PHF21B: variants seen among roughly 807,000 people sequenced by gnomAD.
The protein encoded by PHF21B is PHD finger protein 21B.
In PHF21B, 22 loss-of-function variants were observed where a neutral mutation model predicts 62.2. That is an observed-to-expected ratio of 0.35 (90% CI 0.25 to 0.51). The LOEUF is 0.51. PHF21B is among the 20% of genes least tolerant of loss of function. The pLI is 0.97. For synonymous variants in PHF21B, 341 were observed against 314.7 expected (o/e 1.08, Z -0.88); for missense variants, 701 against 707.9 (o/e 0.99, Z 0.11).
At chr22:44,962,904 C>T (rs1354668955) in intron 2 of PHF21B, among the ~76,000 whole-genome samples, 8 of 152,168 alleles carry the variant, frequency 5.3e-5, no homozygotes, top group Admixed American at 2.6e-4. Flanking sequence ...AATAGAGCCA[C>T]GCAGTACAGT....
intron 2 of PHF21B, among the ~76,000 whole-genome samples, chr22:44,929,980 TGTCACTAGG>T (rs2071708725): frequency 6.6e-6 from 1 of 152,202 alleles, no homozygotes; most frequent in East Asian, 1.9e-4. Context: ...ATCCACCCAC[TGTCACTAGG>T]AGGGAAAAGA....
rs537374236 is a variant in PHF21B at position 44,888,685 on chromosome 22, A to G, written c.1039-564T>C. 5.3e-5 allele frequency among the ~76,000 whole-genome samples: 8 copies of G among 152,308 alleles called. No individual in the cohort carries two copies. In the South Asian group the frequency reaches 8.3e-4, roughly 16 times the overall value. The stretch of plus-strand genomic sequence containing the variant: ...ACTTCAGAGTTGGAAAAGACCAGAG[A>G]GCTCTCCTCTGGGATGGCCCGTGCC... On this transcript the variant is annotated intron_variant, in intron 9 of 12. Transcript: ENST00000313237.
intron 2 of PHF21B, among the ~76,000 whole-genome samples, chr22:44,929,939 C>A (rs571491446): frequency 6.6e-6 from 1 of 152,124 alleles, no homozygotes; most frequent in African/African-American, 2.4e-5. Context: ...CAGGAAGGAC[C>A]CCTGCAGCAC....
chr22:44,979,150 T>C (rs2072791625), intron 2 of PHF21B, among the ~76,000 whole-genome samples: 1 of 152,256 alleles, frequency 6.6e-6, no homozygotes, highest in Admixed American at 6.5e-5. Flanking sequence ...CATTCTCTCC[T>C]GCACCCACAG....
intron 2 of PHF21B, among the ~76,000 whole-genome samples, chr22:44,987,419 G>C (rs1207598776): frequency 6.6e-6 from 1 of 152,154 alleles, no homozygotes; most frequent in Non-Finnish European, 1.5e-5. Flanking sequence ...TAACAGCCAC[G>C]GTTCTGCTTC....
At chr22:44,967,717 C>T (rs1021460370) in intron 2 of PHF21B, among the ~76,000 whole-genome samples, 4 of 152,196 alleles carry the variant, frequency 2.6e-5, no homozygotes, top group Non-Finnish European at 4.4e-5. Context: ...GAAGTCCACA[C>T]TGTGTTCAGG....
At position 44,990,065 on chromosome 22, in the gene PHF21B, C is replaced by T. The variant is rs773284913; in HGVS notation, c.120+18480G>A. On this transcript the variant is annotated intron_variant, in intron 2 of 12. Transcript: ENST00000313237. ...CGCTGCCTCCACTTCCACCCATGCC[C>T]GTGTCCCCTGGGCAGAGGCCTACTA... Among the ~76,000 whole-genome samples the T allele has an allele frequency of 3.3e-4, 50 of 152,218 alleles. 1 individual carries two copies. Among genetic ancestry groups the T allele is most frequent in the Non-Finnish European group, 5.9e-4 (40 of 68,042 alleles).
chr22:44,888,093 G>A lies in PHF21B; in HGVS notation c.1067C>T (p.Ala356Val). 1 of 1,544,158 alleles carries A rather than the reference G, an allele frequency of 6.5e-7. No individual in the cohort carries two copies. The highest frequency in any genetic ancestry group is 8.7e-7 in the Non-Finnish European group (1 of 1,144,462). ...CAGGTTGGCCCCTCGCTTGCAGGCG[G>A]CACAGTGCTCATCGTGGGTGATCTC... ...KNEITHDEHC[A>V]ACKRGANLQP... Residue 356 changes from alanine (A) to valine (V), a missense_variant, in exon 10 of 13, where the codon GCC becomes GTC. Coordinates refer to ENST00000313237, the MANE Select transcript of PHF21B (RefSeq NM_138415.5).
chr22:45,001,916 G>A (rs2073227098), intron 2 of PHF21B: 1 of 152,268 alleles, frequency 6.6e-6, no homozygotes, highest in South Asian at 2.1e-4. Context: ...GCAGGAAGAA[G>A]TGAGACCCGC....
intron 4 of PHF21B, among the ~76,000 whole-genome samples, chr22:44,914,916 G>T (rs1012502527): frequency 6.6e-6 from 1 of 152,208 alleles, no homozygotes; most frequent in African/African-American, 2.4e-5. Context: ...AGGAAATTGG[G>T]AAAGAATTAT....
At chr22:44,990,074 T>C (rs553148154) in intron 2 of PHF21B, among the ~76,000 whole-genome samples, 1 of 152,330 alleles carries the variant, frequency 6.6e-6, no homozygotes, top group Non-Finnish European at 1.5e-5. Context: ...CCGTGTCCCC[T>C]GGGCAGAGGC....
chr22:44,967,676 G>A (rs2072555249), intron 2 of PHF21B, among the ~76,000 whole-genome samples: 1 of 152,178 alleles, frequency 6.6e-6, no homozygotes, highest in African/African-American at 2.4e-5. Flanking sequence ...CTCCACTAGG[G>A]AACCAATGTC....
chr22:44,978,869 G>T (rs1393832032), intron 2 of PHF21B, among the ~76,000 whole-genome samples: 2 of 152,226 alleles, frequency 1.3e-5, no homozygotes, highest in Admixed American at 6.5e-5. Context: ...GAACCAGGTG[G>T]CCACTGCTGT....
chr22:44,984,844 C>T (rs188289737), intron 2 of PHF21B, among the ~76,000 whole-genome samples: 249 of 152,308 alleles, frequency 1.6e-3, no homozygotes, highest in Admixed American at 9.2e-3. Flanking sequence ...ACAAGCCCTG[C>T]AGAAGAGGAA....
At chr22:44,893,843 T>C (rs761939467) in intron 6 of PHF21B, among the ~76,000 whole-genome samples, 7 of 152,232 alleles carry the variant, frequency 4.6e-5, no homozygotes, top group African/African-American at 1.7e-4. Context: ...ATGGCCGTTA[T>C]TGGGGACCCA....
intron 2 of PHF21B, among the ~76,000 whole-genome samples, chr22:44,980,361 A>G (rs995168215): frequency 3.3e-5 from 5 of 152,186 alleles, no homozygotes; most frequent in Non-Finnish European, 7.3e-5. Flanking sequence ...AGTAGGTAAC[A>G]TGTAGCGATG....
intron 10 of PHF21B, among the ~76,000 whole-genome samples, chr22:44,887,403 AAG>A (rs1483558855): frequency 1.3e-5 from 2 of 152,162 alleles, no homozygotes; most frequent in Non-Finnish European, 2.9e-5. Context: ...TATAGTGAAC[AAG>A]ATCCAGAGAA....
chr22:44,914,041 A>G lies in PHF21B; in HGVS notation c.612T>C (p.Cys204=). Residue 204 remains cysteine, a synonymous_variant, in exon 5 of 13, where the codon TGT becomes TGC. Coordinates refer to ENST00000313237, the MANE Select transcript of PHF21B (RefSeq NM_138415.5). ...GGGGAAGAGAGGAGGGGTGGAGGGG[A>G]CAGTGATGGGTTGCGGGGTGAGGGG... ...LSSPHPATHH[C]PLHPSSLPLT... 7.5e-7 allele frequency: 1 copy of G among 1,327,888 alleles called. No individual in the cohort carries two copies. The allele number at this position is 1,327,888 out of a possible 1,614,324, so 82.3% of individuals were successfully genotyped here.
intron 2 of PHF21B, among the ~76,000 whole-genome samples, chr22:45,001,610 T>C (rs937646822): frequency 1.5e-4 from 23 of 152,148 alleles, no homozygotes; most frequent in African/African-American, 5.6e-4. Context: ...TCTGCAAGTG[T>C]AAAGCCTTAT....
Sources: gnomAD v4.1 joint callset for allele counts (sites outside exome capture counted in the v4.1 genomes callset) on GRCh38, gnomAD v4.1.1 for gene constraint, MANE v1.5 for transcripts, NCBI Gene and HGNC (gene_info 2026-07-23, HGNC 2026-07-21) for gene names.